Variants in ATRNL1 observed in about 807,000 individuals in gnomAD.
ATRNL1 encodes the protein attractin-like protein 1.
ATRNL1 carries 95 observed loss-of-function variants against 182.7 expected under a neutral mutation model. The ratio of observed to expected loss-of-function variants is 0.52; its 90% confidence interval spans 0.44 to 0.62. The LOEUF (loss-of-function observed/expected upper bound fraction) is 0.62. Among genes scored for constraint, ATRNL1 ranks in the 20% least tolerant of loss-of-function variants. The pLI is 0.00. For missense variants in ATRNL1, 1,471 were observed against 1,679.5 expected, an observed-to-expected ratio of 0.88 and a Z score of 2.17; for synonymous variants, 576 against 568.3, an observed-to-expected ratio of 1.01 and a Z score of -0.19.
chr10:115,923,276 A>C (rs2134568675), intron 28 of ATRNL1, among the ~76,000 whole-genome samples: 1 of 152,292 alleles, frequency 6.6e-6, no homozygotes, highest in Non-Finnish European at 1.5e-5. Context: ...AAAAATTAGA[A>C]TTCTATTTTT....
intron 20 of ATRNL1, among the ~76,000 whole-genome samples, chr10:115,419,890 A>G (rs1459698260): frequency 6.6e-6 from 1 of 152,202 alleles, no homozygotes. Flanking sequence ...AAGAAACTTC[A>G]GTGTCAGACA....
intron 26 of ATRNL1, among the ~76,000 whole-genome samples, chr10:115,673,981 G>A (rs1555042195): frequency 1.3e-5 from 2 of 152,022 alleles, no homozygotes; most frequent in South Asian, 2.1e-4. Flanking sequence ...AAAAGGCTAC[G>A]AGCCAGCACT....
chr10:115,738,433 C>G (rs1239923335), intron 27 of ATRNL1, among the ~76,000 whole-genome samples: 3 of 151,770 alleles, frequency 2.0e-5, no homozygotes, highest in African/African-American at 7.3e-5. Context: ...AGCTGCCATG[C>G]CCAGCCATGA....
In ATRNL1 at chr10:115,458,504, T is replaced by G. The variant is rs1847634703; in HGVS notation, c.3323-3437T>G. 2.0e-5 allele frequency among the ~76,000 whole-genome samples: 3 copies of G among 152,142 alleles called. No homozygotes were observed. In the South Asian group the frequency reaches 6.2e-4, roughly 31 times the overall value. On this transcript the variant is annotated intron_variant, in intron 21 of 28. Coordinates refer to ENST00000355044, the MANE Select transcript of ATRNL1 (RefSeq NM_207303.4). ...GCCTGATTGACATTAGGATTGATCA[T>G]TACCATACACAAGATACTTCATACT...
intron 27 of ATRNL1, among the ~76,000 whole-genome samples, chr10:115,745,913 T>G (rs1948279115): frequency 6.6e-6 from 1 of 152,178 alleles, no homozygotes; most frequent in Non-Finnish European, 1.5e-5. Context: ...ATGTAATATG[T>G]GCTTAAAAAA....
intron 27 of ATRNL1, among the ~76,000 whole-genome samples, chr10:115,797,686 AG>A (rs782064190): frequency 3.9e-5 from 6 of 152,148 alleles, no homozygotes; most frequent in Non-Finnish European, 5.9e-5. Context: ...AAAGCAGGAA[AG>A]TGGGGTTTGG....
chr10:115,801,033 T>C (rs1949780537), intron 27 of ATRNL1, among the ~76,000 whole-genome samples: 1 of 152,228 alleles, frequency 6.6e-6, no homozygotes. Flanking sequence ...CTTCCAGTCA[T>C]TGAACTAAAT....
intron 24 of ATRNL1, among the ~76,000 whole-genome samples, chr10:115,510,062 G>T (rs782460080): frequency 6.6e-5 from 10 of 152,028 alleles, no homozygotes; most frequent in Admixed American, 6.6e-5. Context: ...AATATTGATA[G>T]AATTATAAGT....
intron 8 of ATRNL1, among the ~76,000 whole-genome samples, chr10:115,197,121 C>T (rs1554891241): frequency 1.3e-5 from 2 of 151,480 alleles, no homozygotes; most frequent in East Asian, 3.9e-4. Context: ...TTTTCCACAT[C>T]TTTTGAGAAA....
At chr10:115,766,813 G>T (rs1948868035) in intron 27 of ATRNL1, among the ~76,000 whole-genome samples, 1 of 152,212 alleles carries the variant, frequency 6.6e-6, no homozygotes, top group Admixed American at 6.5e-5. Context: ...ATCTTCTCTA[G>T]AATTATATCA....
intron 26 of ATRNL1, among the ~76,000 whole-genome samples, chr10:115,689,836 C>T (rs1020988953): frequency 3.9e-5 from 6 of 152,190 alleles, no homozygotes; most frequent in African/African-American, 1.4e-4. Context: ...ACACACTGTC[C>T]TGGACGCTGG....
At chr10:115,639,319 A>G (rs546211457) in intron 26 of ATRNL1, among the ~76,000 whole-genome samples, 2 of 152,236 alleles carry the variant, frequency 1.3e-5, no homozygotes, top group Non-Finnish European at 2.9e-5. Flanking sequence ...TGAAAGGGAA[A>G]CAAAAACACT....
At chr10:115,889,042 T>A (rs1555110492) in intron 28 of ATRNL1, among the ~76,000 whole-genome samples, 2 of 152,216 alleles carry the variant, frequency 1.3e-5, no homozygotes, top group Non-Finnish European at 2.9e-5. Context: ...AGTAAACTCT[T>A]GAAAGAGGAC....
intron 27 of ATRNL1, among the ~76,000 whole-genome samples, chr10:115,846,712 C>T (rs1021727003): frequency 6.6e-5 from 10 of 152,166 alleles, no homozygotes; most frequent in African/African-American, 1.7e-4. Context: ...TTTGTGTACA[C>T]GTGTGTACTT....
chr10:115,418,006 A>C (rs1394658013), intron 20 of ATRNL1, among the ~76,000 whole-genome samples: 1 of 152,204 alleles, frequency 6.6e-6, no homozygotes, highest in African/African-American at 2.4e-5. Context: ...GTGCACACAC[A>C]TTGTTGCATG....
intron 20 of ATRNL1, among the ~76,000 whole-genome samples, chr10:115,401,431 A>G (rs1844559379): frequency 6.6e-6 from 1 of 152,082 alleles, no homozygotes; most frequent in Non-Finnish European, 1.5e-5. Flanking sequence ...AATTCCATTC[A>G]TTCTGGACCC....
intron 20 of ATRNL1, among the ~76,000 whole-genome samples, chr10:115,409,417 C>A (rs1159023003): frequency 2.6e-5 from 4 of 151,982 alleles, no homozygotes; most frequent in Non-Finnish European, 4.4e-5. Flanking sequence ...ATTTTGTAAC[C>A]TACAAGTTTA....
In ATRNL1 at chr10:115,477,870, G is replaced by A. The variant is rs577871699; in HGVS notation, c.3654+8541G>A. On this transcript the variant is annotated intron_variant, in intron 24 of 28. Coordinates refer to ENST00000355044, the MANE Select transcript of ATRNL1 (RefSeq NM_207303.4). ...ATTCTTAAAAATATTTAATTAATCT[G>A]CTGCAAAGTGAATTATATGTAACAT... Among the ~76,000 whole-genome samples the A allele has an allele frequency of 1.3e-4, 19 of 151,702 alleles. No homozygotes were observed. In the South Asian group the frequency reaches 2.9e-3, roughly 23 times the overall value.
chr10:115,486,281 A>G (rs1849018724), intron 24 of ATRNL1, among the ~76,000 whole-genome samples: 1 of 152,152 alleles, frequency 6.6e-6, no homozygotes, highest in Non-Finnish European at 1.5e-5. Context: ...TTGCTGGGTC[A>G]AATAGTATTT....
Sources: allele counts gnomAD v4.1 joint callset (sites outside exome capture counted in the v4.1 genomes callset), GRCh38; gene constraint gnomAD v4.1.1; transcripts MANE v1.5; gene names NCBI Gene and HGNC (gene_info 2026-07-23, HGNC 2026-07-21).